The following SORBS2 variants were observed in gnomAD, a reference collection of about 807,000 sequenced individuals.
SORBS2 encodes the protein sorbin and SH3 domain containing 2.
A neutral mutation model predicts 97.7 loss-of-function variants in SORBS2; 46 were observed. The ratio of observed to expected loss-of-function variants is 0.47; its 90% CI spans 0.37 to 0.60. The LOEUF is 0.60. SORBS2 is among the 20% of genes least tolerant of loss of function. The pLI, the probability that SORBS2 is intolerant of heterozygous loss-of-function variation, is 0.00. For synonymous variants in SORBS2, 476 were observed against 473.4 expected (o/e 1.01, Z -0.07); for missense variants, 1,316 against 1,282.3 (o/e 1.03, Z -0.40).
At chr4:185,668,030 AGT>A (rs1389269325) in intron 4 of SORBS2, among the ~76,000 whole-genome samples, 6 of 152,162 alleles carry the variant, frequency 3.9e-5, no homozygotes, top group Non-Finnish European at 8.8e-5. Context: ...ATCTCTTTTT[AGT>A]TTTATTTATG....
chr4:185,656,562 T>C, intron 1 of SORBS2: 1 of 1,335,474 alleles, frequency 7.5e-7, no homozygotes, highest in South Asian at 1.3e-5. Context: ...ACATGGGTCT[T>C]GCTGCAAAGT....
rs1184444518 is a variant in SORBS2 at position 185,594,142 on chromosome 4, G to A, written c.2797-207C>T. ...CTTTAAATTAAAGCAAAATAAGCAAGGTCAAATGTTTTGAACATGTCTACA... is the reference window on the plus strand; with the variant it reads ...CTTTAAATTAAAGCAAAATAAGCAAAGTCAAATGTTTTGAACATGTCTACA... On this transcript the variant is annotated intron_variant, in intron 12 of 14. Coordinates refer to ENST00000418609, the Ensembl canonical transcript of SORBS2. 9.1e-6 allele frequency: 5 copies of A among 547,966 alleles called. No homozygotes were observed. The East Asian group carries it at 1.2e-4, about 14-fold the overall frequency. The allele number at this position is 547,966 out of a possible 1,614,324, so 33.9% of individuals were successfully genotyped here. A position where few individuals can be genotyped will look rare whatever the true frequency, so the allele number is the denominator to read the frequency against.
chr4:185,759,257 T>A (rs1009127694), intron 2 of SORBS2, among the ~76,000 whole-genome samples: 5 of 152,228 alleles, frequency 3.3e-5, no homozygotes, highest in Non-Finnish European at 4.4e-5. Context: ...TTAAAAATGA[T>A]TTCTGCCCAA....
chr4:185,918,501 T>C (rs1309312282), intron 1 of SORBS2: 1 of 152,022 alleles, frequency 6.6e-6, no homozygotes. Context: ...CAGATGCATC[T>C]ACCCTCTGGC....
rs556322623 is a variant in SORBS2 at position 185,738,004 on chromosome 4, G to A, written c.-198+37223C>T. 5.3e-5 allele frequency among the ~76,000 whole-genome samples: 8 copies of A among 152,298 alleles called. No homozygotes were observed. The East Asian group carries it at 1.5e-3, about 29-fold the overall frequency. On this transcript the variant is annotated intron_variant, in intron 2 of 20. Transcript: ENST00000284776. ...GCTTCGTGAAACGGACACACTACGG[G>A]ATGGAAAACAGTGAGAGGGAAGCCA...
At chr4:185,829,332 G>A (rs1244976107) in intron 1 of SORBS2, among the ~76,000 whole-genome samples, 1 of 152,126 alleles carries the variant, frequency 6.6e-6, no homozygotes, top group African/African-American at 2.4e-5. Flanking sequence ...AATGCAGCTG[G>A]CTTTTTTGAA....
intron 12 of SORBS2, among the ~76,000 whole-genome samples, chr4:185,596,012 C>A (rs1282869259): frequency 6.6e-6 from 1 of 152,152 alleles, no homozygotes; most frequent in Non-Finnish European, 1.5e-5. Context: ...AGCTACTACT[C>A]TTTCCCCAAA....
At chr4:185,830,238 A>G (rs1375948790) in intron 1 of SORBS2, among the ~76,000 whole-genome samples, 1 of 152,184 alleles carries the variant, frequency 6.6e-6, no homozygotes, top group African/African-American at 2.4e-5. Context: ...GAAAATGCAC[A>G]TTCTGGTTGG....
intron 1 of SORBS2, among the ~76,000 whole-genome samples, chr4:185,831,031 A>G (rs1358575498): frequency 6.6e-6 from 1 of 152,022 alleles, no homozygotes; most frequent in Admixed American, 6.6e-5. Context: ...TAATTCCTCC[A>G]TTCAACACGG....
chr4:185,887,915 T>C (rs2099240472), intron 1 of SORBS2, among the ~76,000 whole-genome samples: 1 of 151,914 alleles, frequency 6.6e-6, no homozygotes, highest in African/African-American at 2.4e-5. Flanking sequence ...CTTTTTTGTT[T>C]GACTTTTTAC....
chr4:185,883,267 A>G (rs2099237754), intron 1 of SORBS2, among the ~76,000 whole-genome samples: 1 of 152,226 alleles, frequency 6.6e-6, no homozygotes, highest in Non-Finnish European at 1.5e-5. Flanking sequence ...TTCACAAAAG[A>G]ATATATATTA....
intron 1 of SORBS2, among the ~76,000 whole-genome samples, chr4:185,840,277 G>C (rs1267966038): frequency 6.6e-6 from 1 of 152,160 alleles, no homozygotes; most frequent in East Asian, 1.9e-4. Context: ...ACACAAATGG[G>C]TCAAAGAGAA....
intron 1 of SORBS2, among the ~76,000 whole-genome samples, chr4:185,879,968 A>T (rs971540385): frequency 6.6e-6 from 1 of 152,204 alleles, no homozygotes; most frequent in African/African-American, 2.4e-5. Context: ...CAGTTGTGAA[A>T]ATAAAAGAAC....
intron 1 of SORBS2, among the ~76,000 whole-genome samples, chr4:185,806,057 T>C (rs2099152135): frequency 1.3e-5 from 2 of 152,226 alleles, no homozygotes; most frequent in African/African-American, 4.8e-5. Flanking sequence ...GAAGTATAAA[T>C]ATCTGGTATT....
intron 2 of SORBS2, among the ~76,000 whole-genome samples, chr4:185,767,183 A>G (rs1352234010): frequency 1.3e-5 from 2 of 151,984 alleles, no homozygotes; most frequent in Non-Finnish European, 2.9e-5. Context: ...GCCTGGACCA[A>G]TGGTTTTCTT....
chr4:185,764,315 T>C (rs1261510787), intron 2 of SORBS2, among the ~76,000 whole-genome samples: 3 of 152,182 alleles, frequency 2.0e-5, no homozygotes, highest in African/African-American at 7.2e-5. Flanking sequence ...AGATAATGTA[T>C]ACACTGCTAG....
intron 1 of SORBS2, among the ~76,000 whole-genome samples, chr4:185,825,122 C>T (rs2099199045): frequency 6.6e-6 from 1 of 152,114 alleles, no homozygotes; most frequent in Admixed American, 6.5e-5. Context: ...TAATCTAAAG[C>T]AGTTACTGCA....
intron 2 of SORBS2, among the ~76,000 whole-genome samples, chr4:185,751,674 C>T (rs1404070184): frequency 2.0e-5 from 3 of 151,830 alleles, no homozygotes; most frequent in East Asian, 1.9e-4. Context: ...TACACATGAA[C>T]GAAAGAGGCT....
chr4:185,848,837 T>C (rs1442579293), intron 1 of SORBS2, among the ~76,000 whole-genome samples: 2 of 152,028 alleles, frequency 1.3e-5, no homozygotes, highest in Admixed American at 1.3e-4. Flanking sequence ...CTGGGTTCAG[T>C]ACTGTTTCAT....
Sources: gnomAD v4.1 joint callset for allele counts (sites outside exome capture counted in the v4.1 genomes callset) on GRCh38, gnomAD v4.1.1 for gene constraint, MANE v1.5 for transcripts, NCBI Gene and HGNC (gene_info 2026-07-23, HGNC 2026-07-21) for gene names.